Variants in CAMTA1 observed in about 807,000 individuals in gnomAD.
CAMTA1 encodes the protein calmodulin binding transcription activator 1, also known as calmodulin-binding transcription activator 1.
In CAMTA1, 27 loss-of-function variants were observed where a neutral mutation model predicts 170.9. The observed-to-expected ratio is 0.16, with a 90% CI of 0.12 to 0.22. The LOEUF (loss-of-function observed/expected upper bound fraction) is 0.22. CAMTA1 is among the 10% of genes least tolerant of loss of function. CAMTA1 has a pLI of 1.00. For synonymous variants in CAMTA1, 833 were observed against 891.5 expected (o/e 0.93, Z 1.17); for missense variants, 1,619 against 2,217.2 (o/e 0.73, Z 5.42).
chr1:6,980,185 G>A (rs1055379486), intron 3 of CAMTA1, among the ~76,000 whole-genome samples: 5 of 152,138 alleles, frequency 3.3e-5, no homozygotes, highest in African/African-American at 1.2e-4. Flanking sequence ...CTGAAGTCTC[G>A]CCTGTTGGGG....
At chr1:7,167,874 G>A (rs181358766) in intron 4 of CAMTA1, among the ~76,000 whole-genome samples, 13 of 151,986 alleles carry the variant, frequency 8.6e-5, no homozygotes, top group Admixed American at 6.6e-4. Flanking sequence ...TCAGCCTCCC[G>A]AGTAGCTAGG....
At chr1:7,510,756 G>A (rs928881349) in intron 6 of CAMTA1, among the ~76,000 whole-genome samples, 1 of 145,608 alleles carries the variant, frequency 6.9e-6, no homozygotes, top group African/African-American at 2.5e-5. Context: ...TACCCTACTG[G>A]GGACAGCAGG....
chr1:6,888,140 A>C, intron 3 of CAMTA1: 1 of 985,882 alleles, frequency 1.0e-6, no homozygotes, highest in Non-Finnish European at 1.2e-6. Flanking sequence ...GTCCCCTTGT[A>C]TCTTCAGTGC....
chr1:7,521,977 T>G (rs78618580), intron 6 of CAMTA1, among the ~76,000 whole-genome samples: 162 of 152,364 alleles, frequency 1.1e-3, no homozygotes, highest in African/African-American at 3.8e-3. Flanking sequence ...GAAGCTGCTG[T>G]GAACATCACA....
chr1:7,468,992 G>C (rs532238658), intron 6 of CAMTA1, among the ~76,000 whole-genome samples: 17 of 152,314 alleles, frequency 1.1e-4, no homozygotes, highest in Non-Finnish European at 1.9e-4. Flanking sequence ...TGTCGATGTG[G>C]AGGCCGGGCT....
intron 6 of CAMTA1, among the ~76,000 whole-genome samples, chr1:7,519,232 T>A (rs1575763281): frequency 6.6e-6 from 1 of 151,190 alleles, no homozygotes; most frequent in Non-Finnish European, 1.5e-5. Flanking sequence ...TGAGGAGGAG[T>A]TTGGGGACAG....
chr1:7,665,678 G>A lies in CAMTA1; in HGVS notation c.2652+479G>A, dbSNP rs1022310070. Among the ~76,000 whole-genome samples, 9 of 152,270 alleles carry A rather than the reference G, an allele frequency of 5.9e-5. No individual in the cohort carries two copies. The highest frequency in any genetic ancestry group is 1.9e-4 in the East Asian group (1 of 5,182). On this transcript the variant is annotated intron_variant, in intron 9 of 22. Transcript: ENST00000303635. The surrounding 1 kb of genome is among the most constrained non-coding windows in gnomAD (Gnocchi z 4.3). ...TGCAGTGAGCTGTGGTTGTACCACT[G>A]CACTCCAGTCCGGATGACAGAGTGA...
At chr1:7,239,883 G>C (rs1205223495) in intron 4 of CAMTA1, among the ~76,000 whole-genome samples, 1 of 151,914 alleles carries the variant, frequency 6.6e-6, no homozygotes, top group East Asian at 1.9e-4. Context: ...GAATGAGAAT[G>C]AGAGAGGAGG....
intron 6 of CAMTA1, among the ~76,000 whole-genome samples, chr1:7,601,938 AGGGAGAGGGAGACCGTG>A: frequency 2.7e-5 from 4 of 146,014 alleles, no homozygotes; most frequent in African/African-American, 7.6e-5. Flanking sequence ...GTGGAAAGAG[AGGGAGAGGGAGACCGTG>A]GGGAGAGGGA....
chr1:7,328,604 T>C (rs1483105698), intron 5 of CAMTA1, among the ~76,000 whole-genome samples: 1 of 152,216 alleles, frequency 6.6e-6, no homozygotes, highest in African/African-American at 2.4e-5. Flanking sequence ...TGTACTCTGC[T>C]TTCTGCATCT....
chr1:7,156,003 A>T (rs1646858672), intron 4 of CAMTA1, among the ~76,000 whole-genome samples: 1 of 152,128 alleles, frequency 6.6e-6, no homozygotes, highest in Non-Finnish European at 1.5e-5. Context: ...CTGTAATCTC[A>T]GCACTTTGGG....
At chr1:7,180,556 C>T (rs563139478) in intron 4 of CAMTA1, among the ~76,000 whole-genome samples, 1 of 121,102 alleles carries the variant, frequency 8.3e-6, no homozygotes, top group Non-Finnish European at 1.6e-5. Flanking sequence ...CCCCCTCTAT[C>T]ATCCTGAAGT....
chr1:7,113,928 GTCTT>G lies in CAMTA1; in HGVS notation c.302+22563_302+22566del, dbSNP rs1317940618. ...AAACCTTGGCTTTGTGGCCGTATTG[GTCTT>G]TCTTTACATCATCGGCAAGCCACTG... is the stretch of plus-strand genomic sequence containing the variant. On this transcript the variant is annotated intron_variant, in intron 4 of 22. Coordinates refer to ENST00000303635, the MANE Select transcript of CAMTA1 (RefSeq NM_015215.4). This position sits in a 1 kb window ranked among gnomAD's most constrained non-coding sequence, Gnocchi z 4.5. Among the ~76,000 whole-genome samples, 2 of 152,194 alleles carry G rather than the reference GTCTT, an allele frequency of 1.3e-5. No homozygotes were observed. Among genetic ancestry groups the G allele is most frequent in the African/African-American group, 2.4e-5 (1 of 41,444 alleles).
chr1:7,716,446 C>T (rs2096610478), intron 11 of CAMTA1, among the ~76,000 whole-genome samples: 1 of 152,132 alleles, frequency 6.6e-6, no homozygotes, highest in Non-Finnish European at 1.5e-5. Context: ...AAAATATGTA[C>T]ATTTCATTCT....
intron 11 of CAMTA1, among the ~76,000 whole-genome samples, chr1:7,699,707 C>A (rs575494942): frequency 1.2e-4 from 18 of 152,300 alleles, no homozygotes; most frequent in South Asian, 6.2e-4. Context: ...TGATTATAGT[C>A]ACTTAGTGGG....
At chr1:7,301,114 G>A (rs1051224197) in intron 5 of CAMTA1, among the ~76,000 whole-genome samples, 2 of 152,178 alleles carry the variant, frequency 1.3e-5, no homozygotes, top group African/African-American at 2.4e-5. Flanking sequence ...GAGGGTGACA[G>A]AGGAGCCACA....
intron 11 of CAMTA1, chr1:7,693,996 GCAAA>G (rs1348679074): frequency 6.6e-6 from 1 of 152,238 alleles, no homozygotes; most frequent in East Asian, 1.9e-4. Flanking sequence ...AGGATCCCAG[GCAAA>G]CAAACTCCAA....
chr1:7,318,378 G>A (rs1045288946), intron 5 of CAMTA1, among the ~76,000 whole-genome samples: 6 of 152,170 alleles, frequency 3.9e-5, no homozygotes, highest in Non-Finnish European at 8.8e-5. Flanking sequence ...GGTATATAAT[G>A]AATAAAATAT....
intron 3 of CAMTA1, among the ~76,000 whole-genome samples, chr1:7,081,495 G>A (rs1443956378): frequency 6.6e-6 from 1 of 152,262 alleles, no homozygotes; most frequent in African/African-American, 2.4e-5. Context: ...ACATGTCACT[G>A]TATTAAGGGG....
Sources: allele counts gnomAD v4.1 joint callset (sites outside exome capture counted in the v4.1 genomes callset), GRCh38; gene constraint gnomAD v4.1.1; non-coding constraint Gnocchi (gnomAD v3.1); transcripts MANE v1.5; gene names NCBI Gene and HGNC (gene_info 2026-07-23, HGNC 2026-07-21).